INSR: variants seen among roughly 807,000 people sequenced by gnomAD.
The protein encoded by INSR is insulin receptor, also known as IR.
Under a neutral mutation model 142.6 loss-of-function variants are expected in INSR, and 67 were observed. The observed-to-expected ratio is 0.47, with a 90% CI of 0.39 to 0.58. The LOEUF (loss-of-function observed/expected upper bound fraction) is 0.58. Among genes scored for constraint, INSR ranks in the 20% least tolerant of loss-of-function variants. The pLI, the probability that INSR is intolerant of heterozygous loss-of-function variation, is 0.00. For missense variants in INSR, 1,248 were observed against 1,833.2 expected (o/e 0.68, Z 5.83); for synonymous variants, 756 against 743.1 (o/e 1.02, Z -0.28).
intron 14 of INSR, among the ~76,000 whole-genome samples, chr19:7,131,367 A>G (rs1972776367): frequency 6.6e-6 from 1 of 151,746 alleles, no homozygotes; most frequent in African/African-American, 2.4e-5. Context: ...ATTTTTTGAG[A>G]CAGAGTCTCA....
rs187071481 is a variant in INSR, at chr19:7,290,410, A to T, written c.100+3382T>A. ...AACAGAGCAAGACCTCATCTCAAAA[A>T]ATAATAGATAGCTAGAGAGATAGAT... On this transcript the variant is annotated intron_variant, in intron 1 of 21. Coordinates refer to ENST00000302850, the MANE Select transcript of INSR (RefSeq NM_000208.4). Among the ~76,000 whole-genome samples, 14 of 152,146 alleles carry T rather than the reference A, an allele frequency of 9.2e-5. No homozygotes were observed. In the East Asian group the frequency reaches 2.7e-3, roughly 29 times the overall value.
chr19:7,286,416 C>G (rs939960064), intron 1 of INSR, among the ~76,000 whole-genome samples: 1 of 151,848 alleles, frequency 6.6e-6, no homozygotes, highest in Non-Finnish European at 1.5e-5. Flanking sequence ...GAGACAGGGT[C>G]GGGCTCTATC....
intron 9 of INSR, among the ~76,000 whole-genome samples, 199 bp from the exon 10 acceptor site, chr19:7,153,126 A>AC (rs1973447509): frequency 8.9e-5 from 4 of 45,106 alleles, no homozygotes; most frequent in African/African-American, 2.5e-4. Flanking sequence ...CCACACACAC[A>AC]CACCACACAC....
intron 9 of INSR, among the ~76,000 whole-genome samples, chr19:7,153,447 ACCACACC>A (rs1973497166): frequency 8.7e-6 from 1 of 114,518 alleles, no homozygotes; most frequent in African/African-American, 3.5e-5. Flanking sequence ...CACACACACC[ACCACACC>A]CACGCCACAC....
rs1973794780 is a variant in INSR at position 7,162,946 on chromosome 19, A to T, written c.2029+86T>A. ...TTCCGACACTGAGACACAGGAAGAG[A>T]TAGCTGCTTCCCTAGAGGTGAAGCA... On this transcript the variant is annotated intron_variant, in intron 9 of 21. Coordinates refer to ENST00000302850, the MANE Select transcript of INSR (RefSeq NM_000208.4). The T allele has an allele frequency of 8.4e-6, 11 of 1,306,602 alleles. No individual in the cohort carries two copies. The Admixed American group carries it at 1.9e-4, about 22-fold the overall frequency. The allele number at this position is 1,306,602 out of a possible 1,614,324, so 80.9% of individuals were successfully genotyped here. A position where few individuals can be genotyped will look rare whatever the true frequency, so the allele number is the denominator to read the frequency against.
chr19:7,288,167 A>C (rs1238198735), intron 1 of INSR, among the ~76,000 whole-genome samples: 1 of 151,416 alleles, frequency 6.6e-6, no homozygotes, highest in Non-Finnish European at 1.5e-5. Flanking sequence ...AGACCAGCCT[A>C]GGCAACATAG....
Position 7,288,826 on chromosome 19 carries a change from G to A in INSR, c.100+4966C>T, listed in dbSNP as rs150262610. On this transcript the variant is annotated intron_variant, in intron 1 of 21. Transcript: ENST00000302850. ...AAAAGTACAAAAACTAGCCAGGCGG[G>A]GTGGCACATGCCTGTAATTCCAGCT... is the stretch of plus-strand genomic sequence containing the variant. 2.1e-3 allele frequency among the ~76,000 whole-genome samples: 315 copies of A among 152,014 alleles called. 2 individuals are homozygous for A. The highest frequency in any genetic ancestry group is 0.013 in the East Asian group (68 of 5,166).
At chr19:7,213,437 T>A (rs1975341712) in intron 2 of INSR, among the ~76,000 whole-genome samples, 1 of 151,884 alleles carries the variant, frequency 6.6e-6, no homozygotes. Context: ...CAGCATTCAC[T>A]TCCCCTTTGC....
At chr19:7,118,914 C>CAAAA (rs59739401) in intron 21 of INSR, among the ~76,000 whole-genome samples, 1 of 68,894 alleles carries the variant, frequency 1.5e-5, no homozygotes, top group African/African-American at 5.8e-5. Context: ...GATTCCGTCT[C>CAAAA]AAAAAAAAAA....
rs186407175 is a variant in INSR at position 7,119,134 on chromosome 19, G to A, written c.3794+315C>T. Among the ~76,000 whole-genome samples, 60 of 152,258 alleles carry A rather than the reference G, an allele frequency of 3.9e-4. 1 individual carries two copies. Among genetic ancestry groups the A allele is most frequent in the Middle Eastern group, 3.4e-3 (1 of 294 alleles). On this transcript the variant is annotated intron_variant, in intron 21 of 21. Transcript: ENST00000302850. The surrounding 1 kb of genome is among the most constrained non-coding windows in gnomAD (Gnocchi z 5.2). Reference sequence around the variant, plus strand: ...TGTGCTTATAATATGTAAATGAGGTGTACATGTGCCATGATATGCTGATGC... The same window carrying A: ...TGTGCTTATAATATGTAAATGAGGTATACATGTGCCATGATATGCTGATGC...
chr19:7,272,452 T>C (rs1172954947), intron 1 of INSR, among the ~76,000 whole-genome samples: 2 of 152,022 alleles, frequency 1.3e-5, no homozygotes, highest in Non-Finnish European at 2.9e-5. Flanking sequence ...AACCTGTCTC[T>C]ACTAAAAATA....
At position 7,243,331 on chromosome 19, in the gene INSR, C is replaced by T. The variant is rs139994522; in HGVS notation, c.652+24014G>A. On this transcript the variant is annotated intron_variant, in intron 2 of 21. Coordinates refer to ENST00000302850, the MANE Select transcript of INSR (RefSeq NM_000208.4). ...TGCGATCTCGGCTCACTGCAACCTC[C>T]GCTTCCTGGGTTCAAGTGATTCTCC... Among the ~76,000 whole-genome samples, 325 of 147,834 alleles carry T rather than the reference C, an allele frequency of 2.2e-3. 2 individuals carry two copies. The highest frequency in any genetic ancestry group is 7.7e-3 in the African/African-American group (308 of 40,096).
intron 10 of INSR, among the ~76,000 whole-genome samples, chr19:7,151,770 C>G (rs1264099144): frequency 6.6e-6 from 1 of 151,500 alleles, no homozygotes; most frequent in African/African-American, 2.4e-5. Flanking sequence ...GGATGAATAG[C>G]ATTGGTAAAC....
rs60435269 is a variant in INSR, at chr19:7,135,976, A to AAAAAAAAAAAAG, written c.2683-3660_2683-3659insCTTTTTTTTTTT. Among the ~76,000 whole-genome samples, 880 of 146,500 alleles carry AAAAAAAAAAAAG rather than the reference A, an allele frequency of 6.0e-3. 13 individuals are homozygous for AAAAAAAAAAAAG. The highest frequency in any genetic ancestry group is 0.034 in the East Asian group (159 of 4,696). On this transcript the variant is annotated intron_variant, in intron 13 of 21. Transcript: ENST00000302850. ...GAGATAGACTCCATCTCAAAAAAAA[A>AAAAAAAAAAAAG]AAAGAAAGAATGAAAGAAATGCCAA...
intron 2 of INSR, among the ~76,000 whole-genome samples, chr19:7,227,387 C>T (rs183071651): frequency 6.6e-5 from 10 of 152,134 alleles, no homozygotes; most frequent in African/African-American, 2.4e-5. Flanking sequence ...ATCCTCTCAA[C>T]TCAGCCTCTC....
rs770040122 is a variant in INSR at position 7,122,981 on chromosome 19, G to A, written c.3267C>T (p.Leu1089=). The change falls in exon 18 of 22, where the codon CTC becomes CTT. Residue 1089 remains leucine (L), a synonymous_variant. Coordinates refer to ENST00000302850, the MANE Select transcript of INSR (RefSeq NM_000208.4). ...GCTGGCCCTTGGACACCACTCCCAG[G>A]AGGCGCACCTGCAGAGCAAGCAACC... The part of the protein sequence containing the change: ...KGFTCHHVVR[L]LGVVSKGQPT... The A allele has an allele frequency of 1.2e-6, 2 of 1,601,760 alleles. No individual in the cohort carries two copies.
chr19:7,253,358 C>T (rs1028949025), intron 2 of INSR, among the ~76,000 whole-genome samples: 2 of 152,050 alleles, frequency 1.3e-5, no homozygotes, highest in African/African-American at 4.8e-5. Context: ...CCTGCCTCAG[C>T]CCCCCGAGTA....
At chr19:7,177,702 ATTTT>A (rs71177166) in intron 3 of INSR, among the ~76,000 whole-genome samples, 27 of 90,680 alleles carry the variant, frequency 3.0e-4, no homozygotes, top group South Asian at 8.1e-4. Context: ...CTAATTTTGT[ATTTT>A]TTTTTTTTTT....
chr19:7,288,374 C>T (rs1410131547), intron 1 of INSR, among the ~76,000 whole-genome samples: 1 of 151,854 alleles, frequency 6.6e-6, no homozygotes, highest in African/African-American at 2.4e-5. Flanking sequence ...ATGGTGGTGC[C>T]TGCCTGTGAT....
Sources: allele counts gnomAD v4.1 joint callset (sites outside exome capture counted in the v4.1 genomes callset), GRCh38; gene constraint gnomAD v4.1.1; non-coding constraint Gnocchi (gnomAD v3.1); transcripts MANE v1.5; gene names NCBI Gene and HGNC (gene_info 2026-07-23, HGNC 2026-07-21).